Variants in MYPN observed in about 807,000 individuals in gnomAD.
MYPN encodes myopalladin, also known as sarcomeric protein myopalladin, 145 kDa (MYOP).
A neutral mutation model predicts 129.4 loss-of-function variants in MYPN; 63 were observed. That is an observed-to-expected ratio of 0.49 (90% confidence interval 0.40 to 0.60). MYPN has a LOEUF of 0.60. MYPN is among the 20% of genes least tolerant of loss of function. The probability of loss-of-function intolerance (pLI) is 0.00; values close to 1 mark genes in which losing one functional copy is unlikely to be tolerated. For missense variants in MYPN, 1,596 were observed against 1,635.4 expected, an observed-to-expected ratio of 0.98 and a Z score of 0.42; for synonymous variants, 629 against 600.9, an observed-to-expected ratio of 1.05 and a Z score of -0.68.
At chr10:68,177,374 G>A in intron 12 of MYPN, among the ~76,000 whole-genome samples, 1 of 152,140 alleles carries the variant, frequency 6.6e-6, no homozygotes, top group East Asian at 1.9e-4. Context: ...ATTGCAGTTG[G>A]TTAATTACAG....
At chr10:68,106,408 T>C (rs2042013533), upstream of MYPN, 7 of 399,524 alleles carry the variant, frequency 1.8e-5, no homozygotes, top group Non-Finnish European at 2.8e-5. Context: ...GCCTTTTATA[T>C]AAGATCTTTT....
intron 12 of MYPN, 53 bp downstream of exon 12, chr10:68,175,514 A>G: frequency 1.2e-6 from 2 of 1,601,790 alleles, no homozygotes; most frequent in South Asian, 2.2e-5. Context: ...AAGGAATTTA[A>G]TTTTGCTTGA....
intron 2 of MYPN, among the ~76,000 whole-genome samples, chr10:68,134,595 G>T (rs756285036): frequency 1.3e-5 from 2 of 152,114 alleles, no homozygotes; most frequent in Admixed American, 1.3e-4. Context: ...AAGAGATCAA[G>T]ACCATCCTGG....
At chr10:68,129,681 C>G (rs892572343) in intron 2 of MYPN, among the ~76,000 whole-genome samples, 2 of 152,084 alleles carry the variant, frequency 1.3e-5, no homozygotes, top group African/African-American at 2.4e-5. Context: ...TTTACATTCC[C>G]ACCGACATTG....
At chr10:68,098,998 TCA>T (rs1411144647) in intron 1 of MYPN, among the ~76,000 whole-genome samples, 1 of 152,240 alleles carries the variant, frequency 6.6e-6, no homozygotes, top group African/African-American at 2.4e-5. Context: ...AATCTGGTTC[TCA>T]CAGTTTTCTT....
intron 4 of MYPN, among the ~76,000 whole-genome samples, chr10:68,146,805 C>T (rs930229643): frequency 2.0e-5 from 3 of 152,296 alleles, no homozygotes; most frequent in Non-Finnish European, 2.9e-5. Context: ...TATCCCATAA[C>T]CAGAAAGTAC....
At chr10:68,120,158 T>C (rs2042221745) in intron 1 of MYPN, among the ~76,000 whole-genome samples, 1 of 152,104 alleles carries the variant, frequency 6.6e-6, no homozygotes, top group Non-Finnish European at 1.5e-5. Flanking sequence ...GTTAGGAAAG[T>C]CAAGGTCAAG....
In MYPN at chr10:68,178,968, C is replaced by A. The variant is rs185136827; in HGVS notation, c.2703+3507C>A. Among the ~76,000 whole-genome samples the A allele has an allele frequency of 1.0e-3, 158 of 152,050 alleles. 1 individual carries two copies. The highest frequency in any genetic ancestry group is 3.6e-3 in the African/African-American group (149 of 41,476). Reference sequence around the variant, plus strand: ...CTCGTTATTTGGTCCTCTCACACCCCCTGCTTTTTATTATTATTATTAATG... The same window carrying A: ...CTCGTTATTTGGTCCTCTCACACCCACTGCTTTTTATTATTATTATTAATG... On this transcript the variant is annotated intron_variant, in intron 12 of 19. Transcript: ENST00000358913.
intron 19 of MYPN, among the ~76,000 whole-genome samples, chr10:68,207,690 G>A (rs6480314): frequency 0.84 from 127,288 of 152,180 alleles, 53,491 homozygotes; most frequent in African/African-American, 0.9. Context: ...ACATTTGTAG[G>A]ATGACACATA....
Position 68,130,804 on chromosome 10 carries a change from G to T in MYPN, c.902+8464G>T, listed in dbSNP as rs556520714. Among the ~76,000 whole-genome samples, 287 of 152,030 alleles carry T rather than the reference G, an allele frequency of 1.9e-3. 1 individual carries two copies. Among genetic ancestry groups the T allele is most frequent in the Non-Finnish European group, 3.4e-3 (233 of 67,978 alleles). ...TTTAATCCACTTAAAGTTGATTTTT[G>T]TGTATAATGTAAAGCCGGGAACCCA... On this transcript the variant is annotated intron_variant, in intron 2 of 19. Coordinates refer to ENST00000358913, the MANE Select transcript of MYPN (RefSeq NM_032578.4).
chr10:68,142,317 C>A (rs865880753), intron 2 of MYPN, among the ~76,000 whole-genome samples: 9 of 152,000 alleles, frequency 5.9e-5, no homozygotes, highest in Middle Eastern at 3.2e-3. Flanking sequence ...TAAACTTTGG[C>A]CAGAAAACTA....
intron 6 of MYPN, among the ~76,000 whole-genome samples, chr10:68,151,008 C>T (rs1162133372): frequency 6.6e-6 from 1 of 152,160 alleles, no homozygotes; most frequent in Admixed American, 6.5e-5. Context: ...TTTGTTGTCA[C>T]AGCTGGGGGG....
intron 17 of MYPN, among the ~76,000 whole-genome samples, chr10:68,200,482 G>T (rs2043691203): frequency 6.6e-6 from 1 of 150,940 alleles, no homozygotes; most frequent in Admixed American, 6.6e-5. Flanking sequence ...AGGGTGTGGG[G>T]CACGGTGGCT....
At chr10:68,136,572 G>C (rs1455136680) in intron 2 of MYPN, 16 of 1,482,930 alleles carry the variant, frequency 1.1e-5, no homozygotes, top group Non-Finnish European at 1.2e-5. Context: ...GTTAAAGTCA[G>C]AGTGACGGTT....
chr10:68,140,384 C>G (rs935150326), intron 2 of MYPN, among the ~76,000 whole-genome samples: 1 of 152,190 alleles, frequency 6.6e-6, no homozygotes, highest in South Asian at 2.1e-4. Flanking sequence ...GCAAGAGCAT[C>G]CAAGACACTG....
chr10:68,110,727 T>C (rs909288432), intron 1 of MYPN, among the ~76,000 whole-genome samples: 2 of 152,184 alleles, frequency 1.3e-5, no homozygotes, highest in African/African-American at 4.8e-5. Flanking sequence ...TTCTAGGAAA[T>C]TGAGAATGTC....
intron 2 of MYPN, among the ~76,000 whole-genome samples, chr10:68,131,354 A>C (rs2042408501): frequency 6.6e-6 from 1 of 151,186 alleles, no homozygotes. Context: ...GTGTCAGTGC[A>C]CTCCAGCCTG....
intron 1 of MYPN, 49 bp downstream of exon 1, chr10:68,109,772 G>A (rs1256255022): frequency 1.2e-5 from 5 of 429,980 alleles, no homozygotes; most frequent in African/African-American, 6.1e-5. Context: ...ACAGGGCACT[G>A]ACAGTGGAAA....
intron 19 of MYPN, among the ~76,000 whole-genome samples, chr10:68,207,357 C>T (rs143520879): frequency 2.6e-5 from 4 of 152,220 alleles, no homozygotes; most frequent in Non-Finnish European, 4.4e-5. Flanking sequence ...TTTTAAAAGT[C>T]ATCTCATCCT....
Sources: allele counts gnomAD v4.1 joint callset (sites outside exome capture counted in the v4.1 genomes callset), GRCh38; gene constraint gnomAD v4.1.1; transcripts MANE v1.5; gene names NCBI Gene and HGNC (gene_info 2026-07-23, HGNC 2026-07-21).